Variants in TBCK observed in about 807,000 individuals in gnomAD.
TBCK encodes the protein TBC1 domain containing kinase, also known as TBC domain-containing protein kinase-like protein.
In TBCK, 99 loss-of-function variants were observed where a neutral mutation model predicts 113.4. That is an observed-to-expected ratio of 0.87 (90% CI 0.74 to 1.03). The LOEUF (loss-of-function observed/expected upper bound fraction) is 1.03. TBCK is among the 50% of genes least tolerant of loss of function. The pLI is 0.00. For synonymous variants in TBCK, 369 were observed against 370.8 expected (o/e 1.00, Z 0.05); for missense variants, 1,045 against 1,061.3 (o/e 0.98, Z 0.21).
intron 19 of TBCK, among the ~76,000 whole-genome samples, chr4:106,221,810 G>A (rs1036455054): frequency 6.6e-5 from 10 of 152,222 alleles, no homozygotes; most frequent in Middle Eastern, 6.8e-3. Flanking sequence ...CTCCAGGACC[G>A]CTTGAGGGAG....
At chr4:106,124,635 A>G (rs1744917017) in intron 23 of TBCK, among the ~76,000 whole-genome samples, 1 of 152,184 alleles carries the variant, frequency 6.6e-6, no homozygotes, top group Non-Finnish European at 1.5e-5. Flanking sequence ...GATTAAGAAA[A>G]TGTGGCACAT....
Position 106,230,481 on chromosome 4 carries a change from T to C in TBCK, c.1691-35A>G, listed in dbSNP as rs147604367. On this transcript the variant is annotated intron_variant, in intron 18 of 25. Coordinates refer to ENST00000394708, the MANE Select transcript of TBCK (RefSeq NM_001163435.3). ...AATAAGGCAAAGGCATGTAAAAAAT[T>C]AGTTAACAGGGTAGATGACCATCAG... 4 of 1,371,650 alleles carry C rather than the reference T, an allele frequency of 2.9e-6. No homozygotes were observed. The East Asian group carries it at 9.3e-5, about 32-fold the overall frequency. The allele number at this position is 1,371,650 out of a possible 1,614,324, so 85.0% of individuals were successfully genotyped here. A position where few individuals can be genotyped will look rare whatever the true frequency, so the allele number is the denominator to read the frequency against.
intron 22 of TBCK, among the ~76,000 whole-genome samples, chr4:106,181,088 T>C (rs2149776510): frequency 6.6e-6 from 1 of 152,318 alleles, no homozygotes; most frequent in East Asian, 1.9e-4. Flanking sequence ...GGTCTCATTG[T>C]GGTTTTGATT....
At chr4:106,124,636 T>C (rs990879924) in intron 23 of TBCK, among the ~76,000 whole-genome samples, 6 of 151,928 alleles carry the variant, frequency 3.9e-5, no homozygotes, top group Non-Finnish European at 7.4e-5. Context: ...ATTAAGAAAA[T>C]GTGGCACATA....
chr4:106,215,365 C>A (rs906905609), intron 19 of TBCK, among the ~76,000 whole-genome samples: 22 of 151,822 alleles, frequency 1.4e-4, no homozygotes, highest in Admixed American at 6.6e-4. Context: ...ACACATAACA[C>A]GATTAACTTT....
At chr4:106,167,039 G>A (rs1750448587) in intron 23 of TBCK, among the ~76,000 whole-genome samples, 1 of 148,986 alleles carries the variant, frequency 6.7e-6, no homozygotes, top group South Asian at 2.1e-4. Context: ...ATAAACAATT[G>A]GAAACATAAT....
chr4:106,309,305 C>CTTTTTT (rs536969885), intron 1 of TBCK, among the ~76,000 whole-genome samples: 5 of 103,164 alleles, frequency 4.8e-5, no homozygotes, highest in African/African-American at 1.2e-4. Flanking sequence ...AGGCTCTTCT[C>CTTTTTT]TTTTTTTTTT....
chr4:106,160,843 C>T (rs941470503), intron 23 of TBCK, among the ~76,000 whole-genome samples: 12 of 151,788 alleles, frequency 7.9e-5, no homozygotes, highest in Non-Finnish European at 1.5e-4. Context: ...TGTTTACAAT[C>T]GCTAAAATGT....
chr4:106,211,488 G>A (rs1413961423), intron 20 of TBCK, among the ~76,000 whole-genome samples: 15 of 152,006 alleles, frequency 9.9e-5, no homozygotes, highest in African/African-American at 3.6e-4. Flanking sequence ...CATGTAGGAG[G>A]CAGAAAACAT....
intron 1 of TBCK, among the ~76,000 whole-genome samples, chr4:106,310,895 G>A (rs538894088): frequency 1.1e-4 from 16 of 152,150 alleles, no homozygotes; most frequent in African/African-American, 3.6e-4. Flanking sequence ...AGAGATTTGA[G>A]GAGATATTGC....
rs545906428 is a variant in TBCK, at chr4:106,298,007, G to A, written c.194-2841C>T. ...CTTTTATTATTACTCATTATTCAGGGCTCAGTTAAATGTGACTTCCTCAAG... is the reference window on the plus strand; with the variant it reads ...CTTTTATTATTACTCATTATTCAGGACTCAGTTAAATGTGACTTCCTCAAG... On this transcript the variant is annotated intron_variant, in intron 2 of 25. Coordinates refer to ENST00000394708, the MANE Select transcript of TBCK (RefSeq NM_001163435.3). Among the ~76,000 whole-genome samples the A allele has an allele frequency of 3.9e-5, 6 of 152,270 alleles. No individual in the cohort carries two copies. The South Asian group carries it at 1.2e-3, about 32-fold the overall frequency.
Position 106,253,979 on chromosome 4 carries a change from C to T in TBCK, c.456-1972G>A, listed in dbSNP as rs138649194. 1.5e-4 allele frequency among the ~76,000 whole-genome samples: 23 copies of T among 152,342 alleles called. No homozygotes were observed. The East Asian group carries it at 4.4e-3, about 29-fold the overall frequency. ...ATACAGGCTTCCTTATGCTCTCTCC[C>T]TCCTATCAGGGATCACACAGAATAC... On this transcript the variant is annotated intron_variant, in intron 5 of 25. Transcript: ENST00000394708.
Position 106,259,435 on chromosome 4 carries a change from A to C in TBCK, c.455+1002T>G, listed in dbSNP as rs538524502. Among the ~76,000 whole-genome samples the C allele has an allele frequency of 2.5e-4, 38 of 152,020 alleles. No individual in the cohort carries two copies. The South Asian group carries it at 7.7e-3, about 31-fold the overall frequency. On this transcript the variant is annotated intron_variant, in intron 5 of 25. Coordinates refer to ENST00000394708, the MANE Select transcript of TBCK (RefSeq NM_001163435.3). The stretch of plus-strand genomic sequence containing the variant: ...GTCACATTACAATTGAAAAAATATG[A>C]TTAATGTCTCTAGGTTAGATAATAA...
intron 2 of TBCK, among the ~76,000 whole-genome samples, chr4:106,298,219 T>C (rs1766519460): frequency 6.6e-6 from 1 of 152,194 alleles, no homozygotes; most frequent in African/African-American, 2.4e-5. Context: ...TTCCAAACAT[T>C]TTAAATGGAA....
intron 20 of TBCK, among the ~76,000 whole-genome samples, chr4:106,211,015 A>T (rs1403620890): frequency 6.6e-6 from 1 of 151,860 alleles, no homozygotes; most frequent in Non-Finnish European, 1.5e-5. Context: ...TTGGTCTCAA[A>T]CTCCTAGCCT....
At chr4:106,212,463 C>A (rs999050123) in intron 20 of TBCK, among the ~76,000 whole-genome samples, 1 of 152,086 alleles carries the variant, frequency 6.6e-6, no homozygotes, top group Non-Finnish European at 1.5e-5. Flanking sequence ...GCCTGAATAT[C>A]ATAAAATCCA....
At chr4:106,148,472 T>C (rs1473976247) in intron 23 of TBCK, among the ~76,000 whole-genome samples, 2 of 152,208 alleles carry the variant, frequency 1.3e-5, no homozygotes, top group Non-Finnish European at 2.9e-5. Context: ...CCTACATGAC[T>C]ATCAGGGCAG....
chr4:106,259,251 G>A (rs1649923503), intron 5 of TBCK, among the ~76,000 whole-genome samples: 1 of 151,652 alleles, frequency 6.6e-6, no homozygotes, highest in South Asian at 2.1e-4. Context: ...AGTTATATAT[G>A]AGGCTGGCTT....
chr4:106,218,969 C>G (rs1373527197), intron 19 of TBCK, among the ~76,000 whole-genome samples: 1 of 151,820 alleles, frequency 6.6e-6, no homozygotes, highest in Non-Finnish European at 1.5e-5. Flanking sequence ...TGGAACCAAC[C>G]CAAATGTCTA....
Sources: allele counts gnomAD v4.1 joint callset (sites outside exome capture counted in the v4.1 genomes callset), GRCh38; gene constraint gnomAD v4.1.1; transcripts MANE v1.5; gene names NCBI Gene and HGNC (gene_info 2026-07-23, HGNC 2026-07-21).